KIR3DL1: variants seen among roughly 807,000 people sequenced by gnomAD.
KIR3DL1 encodes the protein killer cell immunoglobulin like receptor, three Ig domains and long cytoplasmic tail 1, also known as killer cell immunoglobulin-like receptor 3DL1.
KIR3DL1 carries 50 observed loss-of-function variants against 40.3 expected under a neutral mutation model. That is an observed-to-expected ratio of 1.24 (90% CI 0.99 to 1.57). KIR3DL1 has a LOEUF of 1.57. Ranked by LOEUF, KIR3DL1 falls within the 40% of genes most tolerant of loss-of-function variation. The pLI is 0.00. For synonymous variants in KIR3DL1, 257 were observed against 207.2 expected (o/e 1.24, Z -2.07); for missense variants, 661 against 559.9 (o/e 1.18, Z -1.82).
At chr19:54,817,628 A>C in intron 2 of KIR3DL1, 59 bp downstream of exon 2, 1 of 1,371,284 alleles carries the variant, frequency 7.3e-7, no homozygotes. Context: ...TTTTCCTGAA[A>C]TGGGAGGGAA....
At chr19:54,830,670 T>A (rs550301960) in exon 9 of KIR3DL1, 1 of 225,612 alleles carries the variant, frequency 4.4e-6, no homozygotes, top group Non-Finnish European at 8.4e-6. Flanking sequence ...TCATGCTGTT[T>A]CACCTTTCTT....
rs374678412 is a variant in KIR3DL1, at chr19:54,821,136, G to T, written c.656-429G>T. 6.7e-5 allele frequency among the ~76,000 whole-genome samples: 10 copies of T among 150,264 alleles called. 1 individual carries two copies. In the East Asian group the frequency reaches 7.8e-4, roughly 12 times the overall value. On this transcript the variant is annotated intron_variant, in intron 4 of 8. Coordinates refer to ENST00000391728, the Ensembl canonical transcript of KIR3DL1. ...ATAGATAATAGATGATTGATGGATA[G>T]ATAGACAGACAGACAATTGATAGAG...
At chr19:54,825,007 C>G in intron 5 of KIR3DL1, 21 bp from the exon 6 acceptor site, 3 of 1,490,130 alleles carry the variant, frequency 2.0e-6, no homozygotes, top group Non-Finnish European at 2.8e-6. Flanking sequence ...TTCCTCACAT[C>G]TCTCCTGTCC....
exon 9 of KIR3DL1, chr19:54,830,177 C>G (rs573252093): frequency 2.6e-6 from 4 of 1,523,074 alleles, no homozygotes; most frequent in African/African-American, 2.8e-5. Flanking sequence ...AAAAATCACT[C>G]GCCCTTCTCA....
chr19:54,823,598 A>G lies in KIR3DL1; in HGVS notation c.950-1430A>G, dbSNP rs1382863737. Among the ~76,000 whole-genome samples, 4 of 151,418 alleles carry G rather than the reference A, an allele frequency of 2.6e-5. No individual in the cohort carries two copies. The East Asian group carries it at 7.7e-4, about 29-fold the overall frequency. On this transcript the variant is annotated intron_variant, in intron 5 of 8. Transcript: ENST00000391728. ...CTGCAACCTCCGCCTCCCGCGTTCAACTGATTCTCCTGCCTCAGCCTCCAA... is the reference window on the plus strand; with the variant it reads ...CTGCAACCTCCGCCTCCCGCGTTCAGCTGATTCTCCTGCCTCAGCCTCCAA...
At chr19:54,818,333 T>C (rs770048175) in exon 3 of KIR3DL1, 1 of 1,602,276 alleles carries the variant, frequency 6.2e-7, no homozygotes. Flanking sequence ...GACAAACCCT[T>C]CCTGTCTGCC....
At chr19:54,821,937 A>G in intron 5 of KIR3DL1, 79 bp downstream of exon 5, 8 of 1,480,366 alleles carry the variant, frequency 5.4e-6, no homozygotes, top group Non-Finnish European at 7.4e-6. Flanking sequence ...TGATGGAGAA[A>G]AGCATGGACA....
chr19:54,824,264 T>C (rs2061774820), intron 5 of KIR3DL1, among the ~76,000 whole-genome samples: 1 of 151,524 alleles, frequency 6.6e-6, no homozygotes, highest in Non-Finnish European at 1.5e-5. Flanking sequence ...GATTTTTGTG[T>C]ATGGTGACAG....
At chr19:54,818,575 A>G in exon 3 of KIR3DL1, 1 of 1,610,756 alleles carries the variant, frequency 6.2e-7, no homozygotes, top group Middle Eastern at 1.7e-4. Context: ...GGCACCCAGC[A>G]ACCCCGTGGT....
chr19:54,821,852 G>C (rs757576373), exon 5 of KIR3DL1: 2 of 1,600,704 alleles, frequency 1.2e-6, no homozygotes, highest in South Asian at 1.1e-5. Flanking sequence ...GCTTGTTTCT[G>C]TCACAGGTGA....
At chr19:54,822,377 C>T (rs79264919) in intron 5 of KIR3DL1, among the ~76,000 whole-genome samples, 4,443 of 149,084 alleles carry the variant, frequency 0.03, 131 homozygotes, top group Middle Eastern at 0.099. Flanking sequence ...GTAATCTCGG[C>T]GCTTTGAGAG....
chr19:54,816,647 C>T (rs2061343335), intron 1 of KIR3DL1, 113 bp downstream of exon 1: 3 of 1,440,034 alleles, frequency 2.1e-6, no homozygotes, highest in Admixed American at 1.9e-5. Context: ...AGTTATGGGC[C>T]TGAAGTGGAG....
intron 4 of KIR3DL1, among the ~76,000 whole-genome samples, chr19:54,821,224 A>T (rs34649375): frequency 0.12 from 17,927 of 148,680 alleles, 1,492 homozygotes; most frequent in Non-Finnish European, 0.15. Flanking sequence ...CAAAATAGAT[A>T]AATAGATAGA....
chr19:54,821,664 T>G lies in KIR3DL1; in HGVS notation c.755T>G (p.Met252Arg), dbSNP rs1453437086. 3 of 1,609,858 alleles carry G rather than the reference T, an allele frequency of 1.9e-6. No homozygotes were observed. In the African/African-American group the frequency reaches 4.0e-5, roughly 22 times the overall value. Residue 252 changes from methionine to arginine, a missense_variant, in exon 5 of 9, where the codon ATG (methionine) becomes AGG (arginine). Physicochemically the swap from Met to Arg is moderately conservative, Grantham distance 91. Transcript: ENST00000391728. ...TGTAGCTCCCGGAGCTCCTATGACATGTACCATCTATCCAGGGAGGGGGGA... is the reference window on the plus strand; with the variant it reads ...TGTAGCTCCCGGAGCTCCTATGACAGGTACCATCTATCCAGGGAGGGGGGA...
rs765825255 is a variant in KIR3DL1, at chr19:54,821,815, C to A, written c.906C>A (p.Tyr302Ter). 1.9e-6 allele frequency: 3 copies of A among 1,604,720 alleles called. No individual in the cohort carries two copies. Among genetic ancestry groups the A allele is most frequent in the South Asian group, 2.2e-5 (2 of 90,606 alleles). The stretch of plus-strand genomic sequence containing the variant: ...TCGGCTCTTTCCGTCACTCTCCCTA[C>A]GAGTGGTCAGACCCGAGTGACCCAC... Residue 302 changes from tyrosine to a stop codon, truncating the protein, a stop_gained, in exon 5 of 9, where the codon TAC becomes TAA. Coordinates refer to ENST00000391728, the Ensembl canonical transcript of KIR3DL1. LOFTEE classifies it high-confidence loss of function.
At chr19:54,819,726 A>C (rs758320795) in exon 4 of KIR3DL1, 8 of 1,608,658 alleles carry the variant, frequency 5.0e-6, no homozygotes, top group Non-Finnish European at 6.8e-6. Context: ...ACCACAGAAA[A>C]CCTTCCCTCC....
intron 6 of KIR3DL1, among the ~76,000 whole-genome samples, chr19:54,828,699 A>T (rs62124153): frequency 0.16 from 23,209 of 141,424 alleles, 2,026 homozygotes; most frequent in South Asian, 0.27. Context: ...GTTCTGGGAC[A>T]ATCCTCCTGA....
At position 54,818,611 on chromosome 19, in the gene KIR3DL1, T is replaced by G; in HGVS notation, c.355+12T>G. The stretch of plus-strand genomic sequence containing the variant: ...GATCATGGTCACAGGTCAGAGGCTT[T>G]CCGTCTGGGCTTCTCACTGTCCCAC... On this transcript the variant is annotated intron_variant, in intron 3 of 8. Transcript: ENST00000391728. 6.2e-7 allele frequency: 1 copy of G among 1,604,490 alleles called. No individual in the cohort carries two copies.
chr19:54,821,675 T>C, exon 5 of KIR3DL1: 4 of 1,609,860 alleles, frequency 2.5e-6, no homozygotes, highest in Non-Finnish European at 3.4e-6. Context: ...GTACCATCTA[T>C]CCAGGGAGGG....
Sources: gnomAD v4.1 joint callset for allele counts (sites outside exome capture counted in the v4.1 genomes callset) on GRCh38, gnomAD v4.1.1 for gene constraint, MANE v1.5 for transcripts, NCBI Gene and HGNC (gene_info 2026-07-23, HGNC 2026-07-21) for gene names.